The following PARD3B variants were observed in gnomAD, a reference collection of about 807,000 sequenced individuals.
The protein encoded by PARD3B is partitioning defective 3 homolog B.
Under a neutral mutation model 130.2 loss-of-function variants are expected in PARD3B, and 103 were observed. The observed-to-expected ratio is 0.79, with a 90% CI of 0.67 to 0.93. PARD3B has a LOEUF of 0.93. PARD3B is among the 40% of genes least tolerant of loss of function. PARD3B has a pLI of 0.00. For synonymous variants in PARD3B, 583 were observed against 553.2 expected (o/e 1.05, Z -0.76); for missense variants, 1,609 against 1,499.2 (o/e 1.07, Z -1.21).
In PARD3B at chr2:204,545,966, T is replaced by TCGGCC. The variant is rs777689246; in HGVS notation, c.-24_-20dup. On this transcript the variant is annotated 5_prime_UTR_variant, in exon 1 of 23. Coordinates refer to ENST00000406610, the MANE Select transcript of PARD3B (RefSeq NM_001302769.2). ...TGCGCCCGCGGGGTCAGACACCTGT[T>TCGGCC]CGGCCCGGCCCGGCGTGGTCGCCGG... The TCGGCC allele has an allele frequency of 2.9e-5, 45 of 1,534,584 alleles. No individual in the cohort carries two copies. The South Asian group carries it at 3.7e-4, about 12-fold the overall frequency.
At chr2:204,727,438 G>A (rs934268381) in intron 2 of PARD3B, among the ~76,000 whole-genome samples, 12 of 152,126 alleles carry the variant, frequency 7.9e-5, no homozygotes, top group African/African-American at 2.9e-4. Flanking sequence ...TTCAGTCATG[G>A]TTTTTCTATA....
intron 2 of PARD3B, among the ~76,000 whole-genome samples, chr2:204,748,631 A>T (rs1286644703): frequency 2.0e-5 from 3 of 152,130 alleles, no homozygotes; most frequent in Non-Finnish European, 4.4e-5. Context: ...TAAAACACAG[A>T]TTGCTGGTCC....
chr2:205,276,295 G>C lies in PARD3B; in HGVS notation c.2186-24235G>C, dbSNP rs1045455460. 2.6e-5 allele frequency among the ~76,000 whole-genome samples: 4 copies of C among 152,122 alleles called. No homozygotes were observed. Among genetic ancestry groups the C allele is most frequent in the African/African-American group, 9.7e-5 (4 of 41,424 alleles). ...CAGGGCGCCTGGTGCTGACAGCCTTGGCAAACAACCTAGAGAGAAAATATG... is the reference window on the plus strand; with the variant it reads ...CAGGGCGCCTGGTGCTGACAGCCTTCGCAAACAACCTAGAGAGAAAATATG... On this transcript the variant is annotated intron_variant, in intron 16 of 22. Coordinates refer to ENST00000406610, the MANE Select transcript of PARD3B (RefSeq NM_001302769.2). This position sits in a 1 kb window ranked among gnomAD's most constrained non-coding sequence, Gnocchi z 5.0.
Position 205,440,542 on chromosome 2 carries a change from C to T in PARD3B, c.2914C>T (p.Pro972Ser), listed in dbSNP as rs776299574. The T allele has an allele frequency of 2.5e-6, 4 of 1,613,982 alleles. No individual in the cohort carries two copies. The South Asian group carries it at 3.3e-5, about 13-fold the overall frequency. The part of the protein sequence containing the change: ...PCTSANVFRS[P>S]SPPRAGPFGY... ...CACATCAGCAAATGTCTTTAGATCT[C>T]CATCTCCCCCTCGAGCTGGACCATT... Residue 972 changes from proline to serine, a missense_variant, in exon 20 of 23, where the codon CCA (proline) becomes TCA (serine). Pro to Ser is a moderately conservative substitution (Grantham distance 74). Transcript: ENST00000406610. This position sits in a 1 kb window ranked among gnomAD's most constrained non-coding sequence, Gnocchi z 4.2.
rs116515456 is a variant in PARD3B, at chr2:205,185,158, A to C, written c.1925-606A>C. Among the ~76,000 whole-genome samples, 1,271 of 152,272 alleles carry C rather than the reference A, an allele frequency of 8.3e-3. 18 individuals are homozygous for C. The highest frequency in any genetic ancestry group is 0.029 in the African/African-American group (1,203 of 41,544). ...CTGGAAAAGTATACATTTTTAGTAG[A>C]TGGGAAAACCAGGATTTAGACCCCT... On this transcript the variant is annotated intron_variant, in intron 13 of 22. Coordinates refer to ENST00000406610, the MANE Select transcript of PARD3B (RefSeq NM_001302769.2).
chr2:204,916,859 G>C (rs1460821414), intron 2 of PARD3B, among the ~76,000 whole-genome samples: 1 of 152,202 alleles, frequency 6.6e-6, no homozygotes, highest in Admixed American at 6.5e-5. Context: ...TTAAATTTCA[G>C]ATTCTTCATT....
At chr2:205,043,151 G>A (rs10199497) in intron 3 of PARD3B, among the ~76,000 whole-genome samples, 68,266 of 151,698 alleles carry the variant, frequency 0.45, 15,494 homozygotes, top group South Asian at 0.56. Flanking sequence ...GTTTTGATTC[G>A]TATTGTAAGG....
chr2:204,649,225 A>G (rs2035395986), intron 1 of PARD3B, among the ~76,000 whole-genome samples: 1 of 150,964 alleles, frequency 6.6e-6, no homozygotes, highest in South Asian at 2.1e-4. Context: ...GATGTTGAAC[A>G]TGTTATTTAA....
intron 20 of PARD3B, among the ~76,000 whole-genome samples, chr2:205,497,285 T>A (rs751035413): frequency 2.6e-5 from 4 of 151,448 alleles, no homozygotes; most frequent in Non-Finnish European, 4.4e-5. Flanking sequence ...CTGCTGAGTG[T>A]CTGTCGAGCA....
chr2:204,625,947 A>G (rs949126511), intron 1 of PARD3B, among the ~76,000 whole-genome samples: 3 of 152,188 alleles, frequency 2.0e-5, no homozygotes, highest in South Asian at 2.1e-4. Context: ...ACTTAGATGT[A>G]TAGGGTATAT....
intron 20 of PARD3B, among the ~76,000 whole-genome samples, chr2:205,447,344 AT>A (rs374623579): frequency 2.6e-5 from 4 of 152,156 alleles, no homozygotes; most frequent in African/African-American, 9.6e-5. Flanking sequence ...CTCAATAAAT[AT>A]TTTTGGAATA....
Position 205,043,808 on chromosome 2 carries a change from T to A in PARD3B, c.395-3773T>A, listed in dbSNP as rs187358682. ...TTCTTTGTCTTTTTTTTAAATTTTTTATTTATTATTATTATACTTTAAGTT... is the reference window on the plus strand; with the variant it reads ...TTCTTTGTCTTTTTTTTAAATTTTTAATTTATTATTATTATACTTTAAGTT... On this transcript the variant is annotated intron_variant, in intron 3 of 22. Coordinates refer to ENST00000406610, the MANE Select transcript of PARD3B (RefSeq NM_001302769.2). Among the ~76,000 whole-genome samples, 1,142 of 152,174 alleles carry A rather than the reference T, an allele frequency of 7.5e-3. 9 individuals carry two copies. The highest frequency in any genetic ancestry group is 0.026 in the African/African-American group (1,084 of 41,530).
At chr2:204,940,910 T>G (rs949664847) in intron 2 of PARD3B, among the ~76,000 whole-genome samples, 2 of 118,220 alleles carry the variant, frequency 1.7e-5, no homozygotes, top group African/African-American at 7.6e-5. Context: ...GGAATAAAGA[T>G]TAAAAAAATA....
In PARD3B at chr2:205,585,181, A is replaced by G. The variant is rs117174527; in HGVS notation, c.3261-30275A>G. ...AGTCTTTTTTGTGGAATGCCTGCCT[A>G]GGTGTTTATGGCAAGAGGCATATTT... On this transcript the variant is annotated intron_variant, in intron 22 of 22. Coordinates refer to ENST00000406610, the MANE Select transcript of PARD3B (RefSeq NM_001302769.2). The surrounding 1 kb of genome is among the most constrained non-coding windows in gnomAD (Gnocchi z 5.4). Among the ~76,000 whole-genome samples the G allele has an allele frequency of 4.6e-5, 7 of 152,290 alleles. No individual in the cohort carries two copies. In the East Asian group the frequency reaches 1.4e-3, roughly 29 times the overall value.
rs371408544 is a variant in PARD3B, at chr2:205,613,478, C to A, written c.3261-1978C>A. Among the ~76,000 whole-genome samples the A allele has an allele frequency of 3.9e-5, 6 of 152,178 alleles. No individual in the cohort carries two copies. In the East Asian group the frequency reaches 1.2e-3, roughly 29 times the overall value. ...ACCGAAGGCTGGAAGTTTTCTAAAT[C>A]AAAAATGAAATTCTAAAGAAAGGGA... On this transcript the variant is annotated intron_variant, in intron 22 of 22. Coordinates refer to ENST00000406610, the MANE Select transcript of PARD3B (RefSeq NM_001302769.2).
At chr2:205,056,518 G>A (rs1699642923) in intron 4 of PARD3B, among the ~76,000 whole-genome samples, 1 of 151,834 alleles carries the variant, frequency 6.6e-6, no homozygotes, top group African/African-American at 2.4e-5. Flanking sequence ...GACATCTGGA[G>A]GGAGTTAGTT....
chr2:205,430,731 C>T (rs902799550), intron 19 of PARD3B, among the ~76,000 whole-genome samples: 5 of 152,100 alleles, frequency 3.3e-5, no homozygotes. Context: ...TCCGCAATAA[C>T]CCAAAGGCAT....
At chr2:205,607,831 T>TACACCCATACACCCATACAC (rs1553560828) in intron 22 of PARD3B, among the ~76,000 whole-genome samples, 2 of 116,190 alleles carry the variant, frequency 1.7e-5, no homozygotes, top group African/African-American at 8.2e-5. Flanking sequence ...CCAACACCCA[T>TACACCCATACACCCATACAC]ACACACACAC....
At chr2:204,648,596 T>A (rs1467563638) in intron 1 of PARD3B, among the ~76,000 whole-genome samples, 11 of 125,404 alleles carry the variant, frequency 8.8e-5, no homozygotes, top group Non-Finnish European at 1.3e-4. Flanking sequence ...ATATTATATA[T>A]AATATATTTA....
Sources: allele counts gnomAD v4.1 joint callset (sites outside exome capture counted in the v4.1 genomes callset), GRCh38; gene constraint gnomAD v4.1.1; non-coding constraint Gnocchi (gnomAD v3.1); transcripts MANE v1.5; gene names NCBI Gene and HGNC (gene_info 2026-07-23, HGNC 2026-07-21).